Variants in TLE1 observed in about 807,000 individuals in gnomAD.
TLE1 encodes the protein TLE family member 1, transcriptional corepressor.
A neutral mutation model predicts 89.8 loss-of-function variants in TLE1; 21 were observed. That is an observed-to-expected ratio of 0.23 (90% CI 0.17 to 0.34). The LOEUF (loss-of-function observed/expected upper bound fraction) is 0.34, where lower values mean the gene tolerates loss of function less well. Among genes scored for constraint, TLE1 ranks in the 10% least tolerant of loss-of-function variants. The pLI is 1.00. For missense variants in TLE1, 795 were observed against 1,031.2 expected (o/e 0.77, Z 3.14); for synonymous variants, 447 against 407.6 (o/e 1.10, Z -1.16).
intron 6 of TLE1, among the ~76,000 whole-genome samples, chr9:81,646,631 G>A (rs910638372): frequency 2.1e-4 from 32 of 152,120 alleles, no homozygotes; most frequent in Non-Finnish European, 1.6e-4. Context: ...GACAGCTATA[G>A]CCAAAGGAGA....
chr9:81,641,789 G>A (rs985158113), intron 6 of TLE1, among the ~76,000 whole-genome samples: 4 of 152,182 alleles, frequency 2.6e-5, no homozygotes, highest in African/African-American at 2.4e-5. Context: ...TTGGGAGGCC[G>A]AGGTGGACGG....
intron 14 of TLE1, among the ~76,000 whole-genome samples, chr9:81,599,411 C>T (rs754822514): frequency 6.6e-5 from 10 of 152,082 alleles, no homozygotes; most frequent in East Asian, 1.9e-4. Context: ...CCCCACACAT[C>T]GTGAGCAACA....
chr9:81,623,044 G>C (rs1394504346), intron 8 of TLE1, among the ~76,000 whole-genome samples: 2 of 152,148 alleles, frequency 1.3e-5, no homozygotes, highest in Non-Finnish European at 2.9e-5. Flanking sequence ...TGTTGTTCTT[G>C]ATATAAGCAA....
chr9:81,687,879 T>A (rs1351493108), intron 1 of TLE1, among the ~76,000 whole-genome samples: 4 of 151,388 alleles, frequency 2.6e-5, no homozygotes. Context: ...CGCATTGACA[T>A]GTAAATAGGC....
At chr9:81,615,772 A>G (rs184631496) in intron 11 of TLE1, among the ~76,000 whole-genome samples, 7 of 152,044 alleles carry the variant, frequency 4.6e-5, no homozygotes, top group Admixed American at 1.3e-4. Context: ...ATGCGTGTAC[A>G]CCCTCTAATC....
At chr9:81,617,035 G>C (rs768019399) in intron 9 of TLE1, among the ~76,000 whole-genome samples, 6 of 150,568 alleles carry the variant, frequency 4.0e-5, no homozygotes, top group Admixed American at 6.6e-5. Context: ...ATTTCTCGAG[G>C]GATGAAATCT....
chr9:81,679,469 T>C (rs1833330867), intron 4 of TLE1, among the ~76,000 whole-genome samples: 1 of 151,998 alleles, frequency 6.6e-6, no homozygotes, highest in Admixed American at 6.6e-5. Context: ...CAGTGCAAAT[T>C]TATTTCACTT....
At chr9:81,680,021 A>C (rs968392824) in intron 4 of TLE1, among the ~76,000 whole-genome samples, 1 of 152,092 alleles carries the variant, frequency 6.6e-6, no homozygotes, top group Non-Finnish European at 1.5e-5. Flanking sequence ...TTCTTAATAA[A>C]CACTATTTGG....
chr9:81,669,953 A>G (rs1325809026), intron 4 of TLE1, among the ~76,000 whole-genome samples: 2 of 152,224 alleles, frequency 1.3e-5, no homozygotes, highest in Non-Finnish European at 2.9e-5. Context: ...GCTAAGATTC[A>G]ATTCAGGTAA....
intron 17 of TLE1, among the ~76,000 whole-genome samples, chr9:81,586,460 T>C (rs912835904): frequency 6.6e-6 from 1 of 152,198 alleles, no homozygotes; most frequent in African/African-American, 2.4e-5. Context: ...ACGGGAAGTA[T>C]TTGTACATCC....
intron 4 of TLE1, among the ~76,000 whole-genome samples, chr9:81,684,113 C>G (rs1000725211): frequency 1.0e-4 from 15 of 150,342 alleles, no homozygotes; most frequent in Non-Finnish European, 2.9e-5. Context: ...TCCATAATAT[C>G]TGTTATCCAA....
Position 81,614,427 on chromosome 9 carries a change from C to G in TLE1, c.919-906G>C, listed in dbSNP as rs914174742. Reference sequence around the variant, plus strand: ...TCAGAGACTGAACACCAGCAAGGGGCCTTTCGGAGACCAGACAGTAACAGG... The same window carrying G: ...TCAGAGACTGAACACCAGCAAGGGGGCTTTCGGAGACCAGACAGTAACAGG... On this transcript the variant is annotated intron_variant, in intron 11 of 19. Coordinates refer to ENST00000376499, the MANE Select transcript of TLE1 (RefSeq NM_005077.5). Among the ~76,000 whole-genome samples, 15 of 152,238 alleles carry G rather than the reference C, an allele frequency of 9.9e-5. 1 individual carries two copies. The highest frequency in any genetic ancestry group is 9.2e-4 in the Admixed American group (14 of 15,286).
intron 12 of TLE1, chr9:81,612,354 T>C (rs1823829159): frequency 9.0e-6 from 9 of 1,001,568 alleles, no homozygotes; most frequent in Non-Finnish European, 1.1e-5. Flanking sequence ...CAGTCCGAAC[T>C]TTCCATTCCC....
chr9:81,628,282 A>G (rs1826146423), intron 8 of TLE1, among the ~76,000 whole-genome samples: 1 of 152,100 alleles, frequency 6.6e-6, no homozygotes, highest in Admixed American at 6.6e-5. Context: ...CCATTTATAG[A>G]TGGGACTAGG....
At position 81,584,108 on chromosome 9, in the gene TLE1, T is replaced by C; in HGVS notation, c.*90A>G. The C allele has an allele frequency of 8.4e-7, 1 of 1,194,616 alleles. No homozygotes were observed. Among genetic ancestry groups the C allele is most frequent in the Middle Eastern group, 2.1e-4 (1 of 4,664 alleles). 74.0% of individuals were successfully genotyped at this position (1,194,616 alleles called of 1,614,324 possible). On this transcript the variant is annotated 3_prime_UTR_variant, in exon 20 of 20. Coordinates refer to ENST00000376499, the MANE Select transcript of TLE1 (RefSeq NM_005077.5). ...TTGGAAACAGGTGTTTGTAATTTTT[T>C]TTCTCTTTTAAAGTTACAACTTTTC...
chr9:81,683,515 T>G (rs1278647258), intron 4 of TLE1, among the ~76,000 whole-genome samples: 1 of 152,310 alleles, frequency 6.6e-6, no homozygotes, highest in Non-Finnish European at 1.5e-5. Flanking sequence ...TCACCAGTTT[T>G]AATAAGAATT....
intron 2 of TLE1, among the ~76,000 whole-genome samples, 191 bp downstream of exon 2, chr9:81,687,143 G>A (rs533057026): frequency 2.0e-5 from 3 of 152,352 alleles, no homozygotes; most frequent in African/African-American, 4.8e-5. Flanking sequence ...AATGGGAGGA[G>A]GAGGAGACAA....
At chr9:81,653,840 G>T (rs1365546570) in intron 5 of TLE1, 134 bp downstream of exon 5, 2 of 733,162 alleles carry the variant, frequency 2.7e-6, no homozygotes, top group Non-Finnish European at 4.7e-6. Context: ...ACTAGCAGGG[G>T]GTTTACACAC....
intron 4 of TLE1, among the ~76,000 whole-genome samples, chr9:81,673,769 T>C (rs928655290): frequency 2.0e-5 from 3 of 152,154 alleles, no homozygotes; most frequent in Non-Finnish European, 2.9e-5. Flanking sequence ...ATGGGGGCTA[T>C]GACAACTCTA....
Sources: gnomAD v4.1 joint callset for allele counts (sites outside exome capture counted in the v4.1 genomes callset) on GRCh38, gnomAD v4.1.1 for gene constraint, MANE v1.5 for transcripts, NCBI Gene and HGNC (gene_info 2026-07-23, HGNC 2026-07-21) for gene names.